LARP4B: variants seen among roughly 807,000 people sequenced by gnomAD.
LARP4B encodes La ribonucleoprotein 4B, also known as la-related protein 4B.
LARP4B carries 12 observed loss-of-function variants against 89.8 expected under a neutral mutation model. The observed-to-expected ratio is 0.13, with a 90% CI of 0.09 to 0.22. The LOEUF is 0.22. Among genes scored for constraint, LARP4B ranks in the 10% least tolerant of loss-of-function variants. The pLI is 1.00. For missense variants in LARP4B, 757 were observed against 947.7 expected, an observed-to-expected ratio of 0.80 and a Z score of 2.64; for synonymous variants, 367 against 363.3, an observed-to-expected ratio of 1.01 and a Z score of -0.12.
At chr10:976,913 C>T in the LARP4B span, among the ~76,000 whole-genome samples, 1 of 150,520 alleles carries the variant, frequency 6.6e-6, no homozygotes, top group Non-Finnish European at 1.5e-5. Context: ...GAAGGTAGGC[C>T]TGTCACGTAA....
At chr10:865,536 C>T (rs1028501975) in intron 3 of LARP4B, among the ~76,000 whole-genome samples, 32 of 152,166 alleles carry the variant, frequency 2.1e-4, no homozygotes, top group Admixed American at 9.8e-4. Context: ...GGCACACTGG[C>T]ACTTTTGCTC....
At chr10:941,383 C>T in the LARP4B span, among the ~76,000 whole-genome samples, 1 of 152,144 alleles carries the variant, frequency 6.6e-6, no homozygotes, top group Non-Finnish European at 1.5e-5. Context: ...GGCATGATCT[C>T]GGCTCACTGC....
At chr10:968,795 T>A in the LARP4B span, among the ~76,000 whole-genome samples, 1 of 152,274 alleles carries the variant, frequency 6.6e-6, no homozygotes, top group African/African-American at 2.4e-5. Flanking sequence ...CCTTCGCGTA[T>A]GATGGCTTCC....
chr10:812,203 C>G lies in LARP4B; in HGVS notation c.*723G>C, dbSNP rs1294681706. 4 of 152,672 alleles carry G rather than the reference C, an allele frequency of 2.6e-5. No individual in the cohort carries two copies. Among genetic ancestry groups the G allele is most frequent in the Non-Finnish European group, 5.9e-5 (4 of 68,050 alleles). The allele number at this position is 152,672 out of a possible 1,614,324, so 9.5% of individuals were successfully genotyped here. ...CAAAGTGTATGTTTTCATGTAGGTT[C>G]TATTCACAATGTGCTTTGAATTTAT... On this transcript the variant is annotated 3_prime_UTR_variant, in exon 18 of 18. Coordinates refer to ENST00000316157, the MANE Select transcript of LARP4B (RefSeq NM_015155.3).
the LARP4B span, among the ~76,000 whole-genome samples, chr10:944,222 T>A: frequency 6.6e-6 from 1 of 152,204 alleles, no homozygotes; most frequent in African/African-American, 2.4e-5. Flanking sequence ...GCTGTGTTTG[T>A]ATCAAGTTAC....
the LARP4B span, among the ~76,000 whole-genome samples, chr10:966,056 T>TTGTGTGTGTGTG: frequency 8.6e-4 from 110 of 128,300 alleles, no homozygotes; most frequent in African/African-American, 2.0e-3. Flanking sequence ...TGTGTGGGTT[T>TTGTGTGTGTGTG]TGTGTGTGTG....
chr10:949,044 G>A, the LARP4B span, among the ~76,000 whole-genome samples: 1 of 152,214 alleles, frequency 6.6e-6, no homozygotes, highest in Non-Finnish European at 1.5e-5. Flanking sequence ...GTCCGACAGT[G>A]GTTGCATGTT....
intron 11 of LARP4B, among the ~76,000 whole-genome samples, chr10:827,863 T>A (rs1218083875): frequency 6.6e-6 from 1 of 152,192 alleles, no homozygotes; most frequent in Non-Finnish European, 1.5e-5. Context: ...CAGCTATGGG[T>A]ACACTTTTAT....
rs1470294547 is a variant in LARP4B, at chr10:853,804, G to C, written c.431-8749C>G. ...TGATGAGGGCTGACTGTTCAGGATG[G>C]TGGCTGCTGAAAACTTGGGTGGCTG... On this transcript the variant is annotated intron_variant, in intron 5 of 17. Coordinates refer to ENST00000316157, the MANE Select transcript of LARP4B (RefSeq NM_015155.3). Among the ~76,000 whole-genome samples, 3 of 152,172 alleles carry C rather than the reference G, an allele frequency of 2.0e-5. No homozygotes were observed. The East Asian group carries it at 5.8e-4, about 29-fold the overall frequency.
chr10:980,745 G>A, the LARP4B span, among the ~76,000 whole-genome samples: 5 of 152,200 alleles, frequency 3.3e-5, no homozygotes, highest in African/African-American at 1.2e-4. Flanking sequence ...TGATGGGAGG[G>A]GCTCCTGGGA....
intron 3 of LARP4B, chr10:873,486 G>A: frequency 3.3e-6 from 3 of 899,146 alleles, no homozygotes; most frequent in Non-Finnish European, 4.0e-6. Flanking sequence ...TCAGGCTTCT[G>A]GTTTTTCTAC....
the LARP4B span, among the ~76,000 whole-genome samples, chr10:966,087 T>TGTGA: frequency 1.7e-3 from 88 of 50,352 alleles, 2 homozygotes; most frequent in Admixed American, 0.016. Context: ...TGTGTGTGTA[T>TGTGA]GAGATTTTAT....
At chr10:827,147 G>A (rs1316914190) in intron 11 of LARP4B, among the ~76,000 whole-genome samples, 2 of 152,014 alleles carry the variant, frequency 1.3e-5, no homozygotes, top group Non-Finnish European at 2.9e-5. Flanking sequence ...GTAGTGGCGG[G>A]CGCCTGTAGT....
At position 814,866 on chromosome 10, in the gene LARP4B, C is replaced by T. The variant is rs1831943798; in HGVS notation, c.1821-16G>A. On this transcript the variant is annotated splice_polypyrimidine_tract_variant and intron_variant, in intron 16 of 17. Transcript: ENST00000316157. This position sits in a 1 kb window ranked among gnomAD's most constrained non-coding sequence, Gnocchi z 4.4. ...CTTGGGATCACTGTAAAAATGCCAC[C>T]CGATATTTGAATCTCATGCAACATC... 1 of 1,583,302 alleles carries T rather than the reference C, an allele frequency of 6.3e-7. No individual in the cohort carries two copies. The highest frequency in any genetic ancestry group is 1.7e-5 in the Admixed American group (1 of 58,390).
intron 13 of LARP4B, 73 bp from the exon 14 acceptor site, chr10:820,918 T>G: frequency 7.7e-7 from 1 of 1,297,280 alleles, no homozygotes. Context: ...ACGTTTGCAC[T>G]CACATAATCA....
At chr10:945,200 A>T in the LARP4B span, among the ~76,000 whole-genome samples, 5 of 151,742 alleles carry the variant, frequency 3.3e-5, no homozygotes, top group African/African-American at 1.2e-4. Context: ...CCTGGCCAAC[A>T]TGGTGAAACC....
At chr10:945,594 A>G in the LARP4B span, among the ~76,000 whole-genome samples, 1 of 151,732 alleles carries the variant, frequency 6.6e-6, no homozygotes, top group Non-Finnish European at 1.5e-5. Context: ...AGGCTGGGGC[A>G]GGAGAATGGG....
At chr10:868,859 C>T (rs1835047348) in intron 3 of LARP4B, among the ~76,000 whole-genome samples, 1 of 152,216 alleles carries the variant, frequency 6.6e-6, no homozygotes, top group African/African-American at 2.4e-5. Flanking sequence ...AATATCAATA[C>T]TTTTCCTTGC....
In LARP4B at chr10:899,610, C is replaced by G. The variant is rs1208452607; in HGVS notation, c.-39-13850G>C. Among the ~76,000 whole-genome samples, 4 of 152,184 alleles carry G rather than the reference C, an allele frequency of 2.6e-5. No homozygotes were observed. The South Asian group carries it at 8.3e-4, about 32-fold the overall frequency. On this transcript the variant is annotated intron_variant, in intron 1 of 17. Coordinates refer to ENST00000316157, the MANE Select transcript of LARP4B (RefSeq NM_015155.3). ...GTTTTACTACAGTGTTGTCTAAGTA[C>G]TCCATTTCTTTATTTGTAAAGTTTG...
Sources: allele counts gnomAD v4.1 joint callset (sites outside exome capture counted in the v4.1 genomes callset), GRCh38; gene constraint gnomAD v4.1.1; non-coding constraint Gnocchi (gnomAD v3.1); transcripts MANE v1.5; gene names NCBI Gene and HGNC (gene_info 2026-07-23, HGNC 2026-07-21).